GALNT13: variants seen among roughly 807,000 people sequenced by gnomAD.
GALNT13 encodes polypeptide N-acetylgalactosaminyltransferase 13.
In GALNT13, 28 loss-of-function variants were observed where a neutral mutation model predicts 64.2. The observed-to-expected ratio is 0.44, with a 90% CI of 0.32 to 0.60. GALNT13 has a LOEUF of 0.60. Ranked by LOEUF, GALNT13 falls within the 20% of genes least tolerant of loss-of-function variation. GALNT13 has a pLI of 0.05. For synonymous variants in GALNT13, 214 were observed against 224.6 expected (o/e 0.95, Z 0.42); for missense variants, 577 against 669.8 (o/e 0.86, Z 1.53).
At chr2:154,112,684 G>A (rs1703054604) in intron 3 of GALNT13, among the ~76,000 whole-genome samples, 1 of 152,204 alleles carries the variant, frequency 6.6e-6, no homozygotes, top group South Asian at 2.1e-4. Context: ...TGCCCACTGG[G>A]AAGATTTCCC....
At chr2:154,242,221 T>G (rs71417296) in intron 5 of GALNT13, 25 bp downstream of exon 5, 1 of 1,592,776 alleles carries the variant, frequency 6.3e-7, no homozygotes, top group Non-Finnish European at 8.6e-7. Context: ...TTTGTTTTTG[T>G]TTTTGTTTTT....
At chr2:153,147,669 G>T in the GALNT13 span, among the ~76,000 whole-genome samples, 1 of 151,518 alleles carries the variant, frequency 6.6e-6, no homozygotes, top group East Asian at 1.9e-4. Flanking sequence ...TTAAGTGTGG[G>T]GTGGTTTTAG....
the GALNT13 span, among the ~76,000 whole-genome samples, chr2:153,552,838 G>A: frequency 2.0e-5 from 3 of 152,152 alleles, no homozygotes; most frequent in African/African-American, 4.8e-5. Context: ...ATTCTCATAA[G>A]GAGTGTGCAA....
At chr2:153,280,798 A>G in the GALNT13 span, among the ~76,000 whole-genome samples, 8 of 152,324 alleles carry the variant, frequency 5.3e-5, no homozygotes, top group Admixed American at 2.6e-4. Flanking sequence ...GGTCACTCAT[A>G]GAGTATGTTC....
At chr2:154,077,265 T>A (rs1451707754) in intron 3 of GALNT13, among the ~76,000 whole-genome samples, 3 of 151,568 alleles carry the variant, frequency 2.0e-5, no homozygotes, top group Non-Finnish European at 4.4e-5. Context: ...AGTTTTGATT[T>A]GCAAGTTTTT....
intron 3 of GALNT13, among the ~76,000 whole-genome samples, chr2:154,014,806 T>C (rs1696896453): frequency 6.6e-6 from 1 of 151,602 alleles, no homozygotes; most frequent in Admixed American, 6.6e-5. Context: ...CTAATTTTTG[T>C]ATTTTTAGTA....
At chr2:153,786,289 G>C in the GALNT13 span, among the ~76,000 whole-genome samples, 3 of 151,978 alleles carry the variant, frequency 2.0e-5, no homozygotes, top group Non-Finnish European at 4.4e-5. Context: ...AAAGAACAAA[G>C]AACAAAGTGC....
chr2:154,319,340 C>T (rs1694497619), intron 9 of GALNT13, among the ~76,000 whole-genome samples: 1 of 152,106 alleles, frequency 6.6e-6, no homozygotes, highest in South Asian at 2.1e-4. Context: ...GTGAATGTTA[C>T]TGGAAGAATT....
chr2:154,258,169 C>T (rs888528299), intron 7 of GALNT13, among the ~76,000 whole-genome samples: 1 of 152,090 alleles, frequency 6.6e-6, no homozygotes, highest in Admixed American at 6.6e-5. Flanking sequence ...TTAATTTGCA[C>T]TGCTTTTATA....
chr2:154,410,896 A>G (rs905536738), intron 11 of GALNT13, among the ~76,000 whole-genome samples: 5 of 151,964 alleles, frequency 3.3e-5, no homozygotes, highest in Admixed American at 3.3e-4. Flanking sequence ...CATATTAAAA[A>G]TTACTTTATT....
At chr2:153,405,676 T>C in the GALNT13 span, among the ~76,000 whole-genome samples, 1 of 152,152 alleles carries the variant, frequency 6.6e-6, no homozygotes, top group Non-Finnish European at 1.5e-5. Flanking sequence ...ATTGAAACTG[T>C]AAGAACATAT....
At chr2:153,555,246 G>C in the GALNT13 span, among the ~76,000 whole-genome samples, 1 of 97,728 alleles carries the variant, frequency 1.0e-5, no homozygotes, top group African/African-American at 4.2e-5. Context: ...CCAGGCTGGA[G>C]TGCAGTGGCG....
At chr2:153,717,856 G>C in the GALNT13 span, among the ~76,000 whole-genome samples, 1 of 152,100 alleles carries the variant, frequency 6.6e-6, no homozygotes, top group Non-Finnish European at 1.5e-5. Context: ...CATGAAATCA[G>C]AATTTTCTCA....
At chr2:153,120,472 A>G in the GALNT13 span, among the ~76,000 whole-genome samples, 2 of 152,224 alleles carry the variant, frequency 1.3e-5, no homozygotes, top group Non-Finnish European at 1.5e-5. Context: ...GTTTTTTTCT[A>G]CTTATGACCC....
intron 10 of GALNT13, among the ~76,000 whole-genome samples, chr2:154,403,941 T>G (rs142844315): frequency 0.01 from 1,571 of 152,332 alleles, 26 homozygotes; most frequent in African/African-American, 0.035. Context: ...AATGTTTTTG[T>G]TTGTAAAACG....
intron 3 of GALNT13, among the ~76,000 whole-genome samples, chr2:154,100,012 T>G (rs1702266602): frequency 6.6e-6 from 1 of 152,134 alleles, no homozygotes; most frequent in African/African-American, 2.4e-5. Context: ...TGAAGAGCAG[T>G]TAGCTATAGT....
intron 3 of GALNT13, among the ~76,000 whole-genome samples, chr2:154,092,356 C>A (rs1360427997): frequency 6.6e-6 from 1 of 151,970 alleles, no homozygotes; most frequent in Non-Finnish European, 1.5e-5. Flanking sequence ...AAATATTTGA[C>A]ATTTTGTATG....
the GALNT13 span, among the ~76,000 whole-genome samples, chr2:153,465,263 G>C: frequency 6.6e-6 from 1 of 151,982 alleles, no homozygotes; most frequent in East Asian, 1.9e-4. Flanking sequence ...TGTTGAAAGA[G>C]ATTTTGGAGT....
intron 3 of GALNT13, among the ~76,000 whole-genome samples, chr2:154,015,927 G>A (rs890432314): frequency 6.6e-6 from 1 of 152,052 alleles, no homozygotes; most frequent in Admixed American, 6.5e-5. Context: ...GTGAAAATAC[G>A]AATGTTTTAG....
Sources: allele counts gnomAD v4.1 joint callset (sites outside exome capture counted in the v4.1 genomes callset), GRCh38; gene constraint gnomAD v4.1.1; transcripts MANE v1.5; gene names NCBI Gene and HGNC (gene_info 2026-07-23, HGNC 2026-07-21).